The following JMJD1C variants were observed in gnomAD, a reference collection of about 807,000 sequenced individuals.
JMJD1C encodes jumonji domain containing 1C.
JMJD1C carries 31 observed loss-of-function variants against 245.3 expected under a neutral mutation model. The observed-to-expected ratio is 0.13, with a 90% confidence interval of 0.09 to 0.17. The LOEUF (loss-of-function observed/expected upper bound fraction) is 0.17, where lower values mean the gene tolerates loss of function less well. Ranked by LOEUF, JMJD1C falls within the 10% of genes least tolerant of loss-of-function variation. The pLI is 1.00. For missense variants in JMJD1C, 2,691 were observed against 3,000.2 expected, an observed-to-expected ratio of 0.90 and a Z score of 2.41; for synonymous variants, 1,057 against 1,017.4, an observed-to-expected ratio of 1.04 and a Z score of -0.74.
rs796706708 is a variant in JMJD1C, at chr10:63,387,473, T to TA, written c.169-6992dup. Among the ~76,000 whole-genome samples the TA allele has an allele frequency of 1.3e-4, 19 of 151,344 alleles. 1 individual carries two copies. The highest frequency in any genetic ancestry group is 3.6e-4 in the African/African-American group (15 of 41,170). On this transcript the variant is annotated intron_variant, in intron 1 of 25. Transcript: ENST00000399262. ...TGAAAAATTCACCAAAGAGACAGCA[T>TA]AAAAAAGGATGAAACAAATTCGGGA...
Position 63,320,294 on chromosome 10 carries a change from AC to A in JMJD1C, c.334-55531del, listed in dbSNP as rs536122224. On this transcript the variant is annotated intron_variant, in intron 2 of 25. Coordinates refer to ENST00000399262, the MANE Select transcript of JMJD1C (RefSeq NM_032776.3). The stretch of plus-strand genomic sequence containing the variant: ...ATTATCTTCCTCTAATATTTTTAAT[AC>A]ATTTATTAGGATAATTTTATATTCA... Among the ~76,000 whole-genome samples the A allele has an allele frequency of 6.3e-3, 953 of 152,150 alleles. 3 individuals are homozygous for A. Among genetic ancestry groups the A allele is most frequent in the Admixed American group, 0.011 (170 of 15,278 alleles).
At chr10:63,488,398 G>A (rs1050072992) in intron 1 of JMJD1C, among the ~76,000 whole-genome samples, 4 of 151,828 alleles carry the variant, frequency 2.6e-5, no homozygotes, top group African/African-American at 9.7e-5. Flanking sequence ...AGACCAGTGT[G>A]GGAAAAAAAT....
chr10:63,281,801 A>T (rs1189895172), intron 2 of JMJD1C, among the ~76,000 whole-genome samples: 1 of 152,146 alleles, frequency 6.6e-6, no homozygotes, highest in Non-Finnish European at 1.5e-5. Context: ...AAAATTAAAT[A>T]TAATTCTGTG....
At chr10:63,457,137 A>G (rs902250327) in intron 1 of JMJD1C, among the ~76,000 whole-genome samples, 1 of 152,156 alleles carries the variant, frequency 6.6e-6, no homozygotes, top group African/African-American at 2.4e-5. Flanking sequence ...ATATAACCCA[A>G]ATAAATCAAG....
chr10:63,469,547 TGG>T (rs1415776377), upstream of JMJD1C, among the ~76,000 whole-genome samples: 2 of 152,206 alleles, frequency 1.3e-5, no homozygotes, highest in Non-Finnish European at 2.9e-5. Flanking sequence ...ACTTACTATG[TGG>T]GTCACATCCT....
chr10:63,516,395 C>T (rs753769905), intron 1 of JMJD1C, among the ~76,000 whole-genome samples: 3 of 152,142 alleles, frequency 2.0e-5, no homozygotes, highest in Non-Finnish European at 4.4e-5. Flanking sequence ...TGTTGAAATT[C>T]TGCTTACTAG....
At chr10:63,338,558 C>T (rs1589521090) in intron 2 of JMJD1C, among the ~76,000 whole-genome samples, 1 of 151,400 alleles carries the variant, frequency 6.6e-6, no homozygotes, top group Non-Finnish European at 1.5e-5. Context: ...TTCAAGGAAG[C>T]TTAAGGGCTG....
intron 11 of JMJD1C, among the ~76,000 whole-genome samples, chr10:63,199,497 T>G (rs1028475331): frequency 7.2e-5 from 11 of 152,192 alleles, no homozygotes; most frequent in Admixed American, 3.9e-4. Context: ...GCTTCCTTCT[T>G]TTTAAACCAA....
intron 8 of JMJD1C, among the ~76,000 whole-genome samples, chr10:63,209,930 C>G (rs2133177442): frequency 6.6e-6 from 1 of 152,272 alleles, no homozygotes; most frequent in East Asian, 1.9e-4. Context: ...TATTCTGACT[C>G]ACTGACATCC....
At chr10:63,426,970 C>T (rs1333682111) in intron 1 of JMJD1C, among the ~76,000 whole-genome samples, 3 of 152,112 alleles carry the variant, frequency 2.0e-5, no homozygotes, top group African/African-American at 7.2e-5. Context: ...CCCTTTGCTT[C>T]GATTATTTCC....
At chr10:63,476,738 T>C (rs377206213) in intron 1 of JMJD1C, among the ~76,000 whole-genome samples, 1 of 151,866 alleles carries the variant, frequency 6.6e-6, no homozygotes, top group Non-Finnish European at 1.5e-5. Context: ...CTAAAATAAG[T>C]AGACAAACAA....
At chr10:63,256,513 AGCT>A (rs1452182171) in intron 3 of JMJD1C, among the ~76,000 whole-genome samples, 1 of 152,236 alleles carries the variant, frequency 6.6e-6, no homozygotes, top group African/African-American at 2.4e-5. Context: ...ACTCTGCTTT[AGCT>A]GCTGGTTCCT....
At chr10:63,478,729 CG>C (rs1246388343) in intron 1 of JMJD1C, among the ~76,000 whole-genome samples, 13 of 152,218 alleles carry the variant, frequency 8.5e-5, no homozygotes, top group Non-Finnish European at 1.9e-4. Flanking sequence ...TACTGGCAAC[CG>C]GGAAGCTCAC....
At chr10:63,408,640 G>A (rs1350575195) in intron 1 of JMJD1C, among the ~76,000 whole-genome samples, 1 of 151,698 alleles carries the variant, frequency 6.6e-6, no homozygotes, top group East Asian at 1.9e-4. Flanking sequence ...AGTCAGGTCT[G>A]AGTCAAGTTT....
chr10:63,354,564 T>C (rs947774557), intron 2 of JMJD1C, among the ~76,000 whole-genome samples: 2 of 152,176 alleles, frequency 1.3e-5, no homozygotes, highest in Admixed American at 6.5e-5. Flanking sequence ...TTACATAAAC[T>C]TGTATATTTT....
At chr10:63,487,471 A>C (rs1424056944) in intron 1 of JMJD1C, among the ~76,000 whole-genome samples, 1 of 152,224 alleles carries the variant, frequency 6.6e-6, no homozygotes, top group Non-Finnish European at 1.5e-5. Flanking sequence ...GATGCTGCTA[A>C]ACATCCTATA....
At chr10:63,295,959 ATGTGTGTGTG>A (rs370590868) in intron 2 of JMJD1C, among the ~76,000 whole-genome samples, 7,770 of 89,508 alleles carry the variant, frequency 0.087, 667 homozygotes, top group African/African-American at 0.15. Context: ...ATACACGTAT[ATGTGTGTGTG>A]TGTGTGTGTG....
chr10:63,180,826 T>C (rs2132855248), intron 22 of JMJD1C, among the ~76,000 whole-genome samples: 1 of 150,824 alleles, frequency 6.6e-6, no homozygotes, highest in Admixed American at 6.6e-5. Flanking sequence ...TGGAGTGCAG[T>C]GGCGGGATCT....
At chr10:63,225,158 T>C (rs1036267326) in intron 3 of JMJD1C, among the ~76,000 whole-genome samples, 1 of 152,170 alleles carries the variant, frequency 6.6e-6, no homozygotes, top group African/African-American at 2.4e-5. Flanking sequence ...AGTTCTTATC[T>C]TGAATAACTA....
Sources: allele counts gnomAD v4.1 joint callset (sites outside exome capture counted in the v4.1 genomes callset), GRCh38; gene constraint gnomAD v4.1.1; transcripts MANE v1.5; gene names NCBI Gene and HGNC (gene_info 2026-07-23, HGNC 2026-07-21).